The following ACIN1 variants were observed in gnomAD, a reference collection of about 807,000 sequenced individuals.
The protein encoded by ACIN1 is apoptotic chromatin condensation inducer 1.
ACIN1 carries 16 observed loss-of-function variants against 146.6 expected under a neutral mutation model. The ratio of observed to expected loss-of-function variants is 0.11; its 90% CI spans 0.07 to 0.17. The LOEUF is 0.17. Ranked by LOEUF, ACIN1 falls within the 10% of genes least tolerant of loss-of-function variation. The pLI is 1.00. For synonymous variants in ACIN1, 569 were observed against 582.7 expected (o/e 0.98, Z 0.34); for missense variants, 1,357 against 1,609.3 (o/e 0.84, Z 2.68).
At chr14:23,078,010 G>T in intron 8 of ACIN1, 141 bp downstream of exon 8, 1 of 733,554 alleles carries the variant, frequency 1.4e-6, no homozygotes, top group Non-Finnish European at 2.2e-6. Flanking sequence ...AGTAACTGAA[G>T]TCTAGCCTTT....
At chr14:23,095,547 T>G (rs557223383), upstream of ACIN1, 23 of 486,576 alleles carry the variant, frequency 4.7e-5, no homozygotes, top group African/African-American at 4.5e-4. Flanking sequence ...TCAGGAAATT[T>G]GGAAGCTGCC....
chr14:23,062,074 CA>C (rs2047309316), intron 16 of ACIN1, 93 bp downstream of exon 16: 1 of 1,001,362 alleles, frequency 1.0e-6, no homozygotes, highest in Non-Finnish European at 1.6e-6. Flanking sequence ...AACAGAAGCT[CA>C]GAGACTGCAG....
Position 23,064,160 on chromosome 14 carries a change from T to C in ACIN1, c.2540A>G (p.Asn847Ser), listed in dbSNP as rs764925330. The part of the protein sequence containing the change: ...SRISEDETER[N>S]GDDGTHDKGL... ...CTTGTCATGGGTCCCATCATCGCCA[T>C]TACGCTCTGTCTCATCCTCAGAGAT... Residue 847 changes from asparagine to serine, a missense_variant, in exon 12 of 19, where the codon AAT becomes AGT. Asn to Ser is a conservative substitution (Grantham distance 46, BLOSUM62 1). Transcript: ENST00000605057. 6 of 1,614,180 alleles carry C rather than the reference T, an allele frequency of 3.7e-6. No homozygotes were observed. In the Admixed American group the frequency reaches 1.0e-4, roughly 27 times the overall value.
Position 23,068,842 on chromosome 14 carries a change from T to C in ACIN1, c.2265+634A>G, listed in dbSNP as rs1341163380. On this transcript the variant is annotated intron_variant, in intron 9 of 18. Coordinates refer to ENST00000605057, the MANE Select transcript of ACIN1 (RefSeq NM_001386863.1). This position sits in a 1 kb window ranked among gnomAD's most constrained non-coding sequence, Gnocchi z 4.3. Reference sequence around the variant, plus strand: ...CTAAACCCAGCTCATTCTTTCTCAATTACTTTAAGAGCCAAGAAGACTTCG... The same window carrying C: ...CTAAACCCAGCTCATTCTTTCTCAACTACTTTAAGAGCCAAGAAGACTTCG... 1 of 985,296 alleles carries C rather than the reference T, an allele frequency of 1.0e-6. No homozygotes were observed. Among genetic ancestry groups the C allele is most frequent in the East Asian group, 1.1e-4 (1 of 8,824 alleles). The allele number at this position is 985,296 out of a possible 1,614,324, so 61.0% of individuals were successfully genotyped here.
chr14:23,081,875 G>A, intron 4 of ACIN1, 39 bp from the exon 5 acceptor site: 9 of 1,516,806 alleles, frequency 5.9e-6, no homozygotes, highest in Non-Finnish European at 8.1e-6. Flanking sequence ...TTCATGAAGT[G>A]AAGACTCATT....
chr14:23,093,766 A>G (rs1156643474), intron 1 of ACIN1, among the ~76,000 whole-genome samples: 1 of 152,252 alleles, frequency 6.6e-6, no homozygotes, highest in African/African-American at 2.4e-5. Flanking sequence ...ATGTACAGAT[A>G]TAAAATGCAG....
At chr14:23,071,695 C>T in intron 8 of ACIN1, 2 of 832,184 alleles carry the variant, frequency 2.4e-6, no homozygotes. Context: ...ACTGCTGGCT[C>T]CAGAGGCCTG....
At position 23,081,873 on chromosome 14, in the gene ACIN1, G is replaced by A. The variant is rs760633080; in HGVS notation, c.437-37C>T. The A allele has an allele frequency of 6.6e-6, 10 of 1,525,418 alleles. No homozygotes were observed. The African/African-American group carries it at 8.3e-5, about 13-fold the overall frequency. The allele number at this position is 1,525,418 out of a possible 1,614,324, so 94.5% of individuals were successfully genotyped here. ...AAAAGAATCAAGTCAGATTCATGAA[G>A]TGAAGACTCATTCATGGCTTTTTAA... is the stretch of plus-strand genomic sequence containing the variant. On this transcript the variant is annotated intron_variant, in intron 4 of 18. Coordinates refer to ENST00000605057, the MANE Select transcript of ACIN1 (RefSeq NM_001386863.1).
intron 10 of ACIN1, 32 bp from the exon 11 acceptor site, chr14:23,064,520 T>C: frequency 6.2e-7 from 1 of 1,612,026 alleles, no homozygotes; most frequent in East Asian, 2.2e-5. Context: ...AACAGTTAGA[T>C]GGTCTCAGGA....
intron 8 of ACIN1, chr14:23,071,021 C>G (rs1040430325): frequency 2.2e-6 from 3 of 1,363,018 alleles, no homozygotes; most frequent in Non-Finnish European, 3.0e-6. Flanking sequence ...TGACTGAAAA[C>G]AAACCAAAAC....
chr14:23,071,526 C>T (rs1167835507), intron 8 of ACIN1: 7 of 1,551,238 alleles, frequency 4.5e-6, no homozygotes, highest in African/African-American at 2.7e-5. Flanking sequence ...GGAGCGGCAG[C>T]GATCAGCCGG....
intron 1 of ACIN1, chr14:23,094,741 A>G: frequency 1.4e-6 from 1 of 712,022 alleles, no homozygotes; most frequent in African/African-American, 1.8e-5. Context: ...ACACTCCTGG[A>G]GAGTAGTGCA....
intron 9 of ACIN1, 74 bp downstream of exon 9, chr14:23,069,402 T>A (rs1051954182): frequency 1.4e-5 from 22 of 1,555,672 alleles, no homozygotes; most frequent in Non-Finnish European, 1.9e-5. Flanking sequence ...GTAAGAGGGA[T>A]CACTAGAGTG....
intron 16 of ACIN1, among the ~76,000 whole-genome samples, 175 bp downstream of exon 16, chr14:23,061,993 A>C (rs1003350851): frequency 5.3e-5 from 8 of 150,038 alleles, no homozygotes; most frequent in African/African-American, 7.4e-5. Flanking sequence ...AAAAAAAAAA[A>C]GGAGCCCAGG....
intron 8 of ACIN1, among the ~76,000 whole-genome samples, chr14:23,076,176 T>C (rs971043122): frequency 2.6e-5 from 4 of 152,156 alleles, no homozygotes; most frequent in Non-Finnish European, 5.9e-5. Context: ...TTCTCAAAGA[T>C]TTATTTACCA....
Position 23,068,018 on chromosome 14 carries a change from TGGA to T in ACIN1, c.2265+1455_2265+1457del, listed in dbSNP as rs1371186802. ...TGAAATGAGTCCCTGCCTCCAGGGA[TGGA>T]GGAGAAGTTGGAGCAACCAACATGC... On this transcript the variant is annotated intron_variant, in intron 9 of 18. Coordinates refer to ENST00000605057, the MANE Select transcript of ACIN1 (RefSeq NM_001386863.1). This position sits in a 1 kb window ranked among gnomAD's most constrained non-coding sequence, Gnocchi z 4.3. 10 of 985,658 alleles carry T rather than the reference TGGA, an allele frequency of 1.0e-5. No individual in the cohort carries two copies. The highest frequency in any genetic ancestry group is 4.7e-5 in the South Asian group (1 of 21,286). 61.1% of individuals were successfully genotyped at this position (985,658 alleles called of 1,614,324 possible).
intron 8 of ACIN1, among the ~76,000 whole-genome samples, chr14:23,073,924 C>T (rs1337118952): frequency 4.6e-5 from 7 of 151,016 alleles, no homozygotes; most frequent in African/African-American, 7.3e-5. Context: ...CTGCAAGCTC[C>T]GCCTCCGGGG....
chr14:23,090,114 G>C lies in ACIN1; in HGVS notation c.317-13C>G. 1 of 1,612,706 alleles carries C rather than the reference G, an allele frequency of 6.2e-7. No homozygotes were observed. Among genetic ancestry groups the C allele is most frequent in the South Asian group, 1.1e-5 (1 of 90,944 alleles). ...TCAGCTGAAGCTTCTGCAAAGTACAGATCGGGTCGGGGCAGGGAGGGAGTG... is the reference window on the plus strand; with the variant it reads ...TCAGCTGAAGCTTCTGCAAAGTACACATCGGGTCGGGGCAGGGAGGGAGTG... On this transcript the variant is annotated splice_polypyrimidine_tract_variant and intron_variant, in intron 3 of 18. Transcript: ENST00000605057.
At chr14:23,071,829 C>T (rs2047665894) in intron 8 of ACIN1, among the ~76,000 whole-genome samples, 1 of 152,034 alleles carries the variant, frequency 6.6e-6, no homozygotes, top group African/African-American at 2.4e-5. Flanking sequence ...GTTACAGCTG[C>T]TTGATTGGAA....
Sources: gnomAD v4.1 joint callset for allele counts (sites outside exome capture counted in the v4.1 genomes callset) on GRCh38, gnomAD v4.1.1 for gene constraint, Gnocchi (gnomAD v3.1) non-coding constraint, MANE v1.5 for transcripts, NCBI Gene and HGNC (gene_info 2026-07-23, HGNC 2026-07-21) for gene names.